RIC3: variants seen among roughly 807,000 people sequenced by gnomAD.
RIC3 encodes the protein protein RIC-3.
In RIC3, 28 loss-of-function variants were observed where a neutral mutation model predicts 27.3. That is an observed-to-expected ratio of 1.02 (90% confidence interval 0.76 to 1.41). The LOEUF (loss-of-function observed/expected upper bound fraction) is 1.41, where lower values mean the gene tolerates loss of function less well. Ranked by LOEUF, RIC3 falls within the 40% of genes most tolerant of loss-of-function variation. The probability of loss-of-function intolerance (pLI) is 0.00; values close to 1 mark genes in which losing one functional copy is unlikely to be tolerated. For missense variants in RIC3, 501 were observed against 444.7 expected, an observed-to-expected ratio of 1.13 and a Z score of -1.14; for synonymous variants, 184 against 160.4, an observed-to-expected ratio of 1.15 and a Z score of -1.11.
At chr11:8,104,778 A>T (rs771019918), downstream of RIC3, 9 of 152,150 alleles carry the variant, frequency 5.9e-5, no homozygotes, top group Admixed American at 5.9e-4. Context: ...AAAAATCAAG[A>T]CACTAGTTCA....
intron 5 of RIC3, among the ~76,000 whole-genome samples, chr11:8,119,127 T>C (rs1358445771): frequency 6.6e-6 from 1 of 152,212 alleles, no homozygotes; most frequent in Admixed American, 6.5e-5. Flanking sequence ...GAAAATACCC[T>C]TTAGCTGAAG....
At chr11:8,115,908 T>C (rs111539923) in intron 5 of RIC3, among the ~76,000 whole-genome samples, 9 of 152,268 alleles carry the variant, frequency 5.9e-5, no homozygotes, top group African/African-American at 2.2e-4. Context: ...CTAAAATTCA[T>C]ATGGAACCAC....
chr11:8,125,656 G>A (rs1326812454), intron 5 of RIC3, among the ~76,000 whole-genome samples: 2 of 152,214 alleles, frequency 1.3e-5, no homozygotes, highest in Non-Finnish European at 2.9e-5. Flanking sequence ...AGGATGTGGA[G>A]GAACTTTAAT....
At chr11:8,165,756 G>GT (rs1365832085) in intron 1 of RIC3, among the ~76,000 whole-genome samples, 1 of 143,618 alleles carries the variant, frequency 7.0e-6, no homozygotes, top group African/African-American at 2.6e-5. Flanking sequence ...TATGAAACCT[G>GT]TTTTTTGGGG....
chr11:8,119,421 C>T (rs968293550), intron 5 of RIC3, among the ~76,000 whole-genome samples: 2 of 152,094 alleles, frequency 1.3e-5, no homozygotes, highest in African/African-American at 4.8e-5. Flanking sequence ...CTTTGACAAA[C>T]CTGACAAAAA....
chr11:8,101,767 G>T, downstream of RIC3: 1 of 1,342,076 alleles, frequency 7.5e-7, no homozygotes, highest in Non-Finnish European at 9.8e-7. Context: ...AGCCAGCCAG[G>T]AACTGGCTCC....
At chr11:8,125,738 G>T (rs563446255) in intron 5 of RIC3, among the ~76,000 whole-genome samples, 1 of 152,276 alleles carries the variant, frequency 6.6e-6, no homozygotes, top group East Asian at 1.9e-4. Flanking sequence ...TTCTAATAAA[G>T]TTAAACAGGT....
At chr11:8,097,632 A>G in the RIC3 span, 2 of 1,360,882 alleles carry the variant, frequency 1.5e-6, no homozygotes, top group Middle Eastern at 1.8e-4. Context: ...GACGCAACGG[A>G]GAGAGTCTGT....
intron 1 of RIC3, among the ~76,000 whole-genome samples, chr11:8,164,682 G>T (rs1951506257): frequency 6.6e-6 from 1 of 151,024 alleles, no homozygotes; most frequent in Non-Finnish European, 1.5e-5. Context: ...GGAGGGTAAG[G>T]TGGGAGAATC....
chr11:8,095,469 T>G, the RIC3 span: 1 of 1,583,048 alleles, frequency 6.3e-7, no homozygotes, highest in South Asian at 1.1e-5. Context: ...TCCTCCTGGA[T>G]GTAACTCAGG....
chr11:8,143,648 T>C (rs1949321412), intron 1 of RIC3, among the ~76,000 whole-genome samples: 2 of 152,082 alleles, frequency 1.3e-5, no homozygotes, highest in Admixed American at 6.6e-5. Flanking sequence ...AAGCTACCAA[T>C]GACTTTCTTC....
chr11:8,153,392 A>G (rs1178495858), intron 1 of RIC3: 3 of 452,474 alleles, frequency 6.6e-6, no homozygotes, highest in Admixed American at 4.8e-5. Flanking sequence ...GTCAAATCCA[A>G]TGGCTTTTTG....
downstream of RIC3, chr11:8,104,799 A>G (rs563195774): frequency 1.8e-4 from 28 of 152,320 alleles, no homozygotes; most frequent in African/African-American, 6.7e-4. Flanking sequence ...GAGGAAGCAC[A>G]TAATGTCCAG....
At chr11:8,132,993 T>G (rs1947918072) in intron 4 of RIC3, among the ~76,000 whole-genome samples, 1 of 152,208 alleles carries the variant, frequency 6.6e-6, no homozygotes, top group African/African-American at 2.4e-5. Flanking sequence ...CCTCCTATAC[T>G]CATGTTGAAA....
At chr11:8,100,847 C>A in the RIC3 span, 1 of 1,614,110 alleles carries the variant, frequency 6.2e-7, no homozygotes, top group Non-Finnish European at 8.5e-7. Flanking sequence ...ACTGCTAGCA[C>A]GCTGGCAGAA....
At chr11:8,122,838 C>T (rs545107650) in intron 5 of RIC3, among the ~76,000 whole-genome samples, 1 of 120,902 alleles carries the variant, frequency 8.3e-6, no homozygotes, top group African/African-American at 3.2e-5. Context: ...TAATATCCAT[C>T]ATCCAATCAA....
rs1944690737 is a variant in RIC3, at chr11:8,106,607, A to ATAAAAGACCCAACCACTTGATG, written c.*4069_*4090dup. 2 of 152,296 alleles carry ATAAAAGACCCAACCACTTGATG rather than the reference A, an allele frequency of 1.3e-5. No homozygotes were observed. Among genetic ancestry groups the ATAAAAGACCCAACCACTTGATG allele is most frequent in the African/African-American group, 4.8e-5 (2 of 41,468 alleles). 9.4% of individuals were successfully genotyped at this position (152,296 alleles called of 1,614,324 possible). On this transcript the variant is annotated 3_prime_UTR_variant, in exon 6 of 6. Transcript: ENST00000309737. ...ACAGGGCTGTAGAGATGAAAAAGGT[A>ATAAAAGACCCAACCACTTGATG]TAAAAGACCCAACCACTTGATGTCT...
the RIC3 span, chr11:8,094,308 C>CA: frequency 3.8e-6 from 5 of 1,301,284 alleles, no homozygotes; most frequent in South Asian, 1.5e-5. Flanking sequence ...AGGGAAGACA[C>CA]AGACTGCCAC....
chr11:8,126,900 G>C (rs770837104), intron 4 of RIC3, 93 bp from the exon 5 acceptor site: 1 of 1,459,410 alleles, frequency 6.9e-7, no homozygotes, highest in Non-Finnish European at 9.5e-7. Context: ...TACTGGAATA[G>C]AAAGTGCAAT....
Sources: allele counts gnomAD v4.1 joint callset (sites outside exome capture counted in the v4.1 genomes callset), GRCh38; gene constraint gnomAD v4.1.1; transcripts MANE v1.5; gene names NCBI Gene and HGNC (gene_info 2026-07-23, HGNC 2026-07-21).